The following SRP9 variants were observed in gnomAD, a reference collection of about 807,000 sequenced individuals.
SRP9 encodes signal recognition particle 9.
In SRP9, 2 loss-of-function variants were observed where a neutral mutation model predicts 11.7. The observed-to-expected ratio is 0.17, with a 90% confidence interval of 0.07 to 0.54. The LOEUF is 0.54. Ranked by LOEUF, SRP9 falls within the 20% of genes least tolerant of loss-of-function variation. SRP9 has a pLI of 0.94. For synonymous variants in SRP9, 27 were observed against 35.6 expected, an observed-to-expected ratio of 0.76 and a Z score of 0.86; for missense variants, 54 against 108.1, an observed-to-expected ratio of 0.50 and a Z score of 2.22.
In SRP9 at chr1:225,778,280, A is replaced by G. The variant is rs75348489; in HGVS notation, c.72+268A>G. 3.2e-3 allele frequency among the ~76,000 whole-genome samples: 489 copies of G among 152,124 alleles called. 2 individuals are homozygous for G. Among genetic ancestry groups the G allele is most frequent in the African/African-American group, 0.011 (471 of 41,512 alleles). On this transcript the variant is annotated intron_variant, in intron 1 of 2. Transcript: ENST00000304786. ...CCGCCCCAGTCCCTCAGCTTCCTTT[A>G]TGGCTTCGGTTGTTTTACGAGTCCC...
rs1021448798 is a variant in SRP9, at chr1:225,777,872, G to A, written c.-69G>A. 55 of 1,471,534 alleles carry A rather than the reference G, an allele frequency of 3.7e-5. No individual in the cohort carries two copies. Among genetic ancestry groups the A allele is most frequent in the East Asian group, 1.2e-4 (5 of 43,040 alleles). The allele number at this position is 1,471,534 out of a possible 1,614,324, so 91.2% of individuals were successfully genotyped here. On this transcript the variant is annotated 5_prime_UTR_variant, in exon 1 of 3. Transcript: ENST00000304786. The stretch of plus-strand genomic sequence containing the variant: ...GGACTCGCGTCGGTTGGCGACTCCC[G>A]GACGTAGGTAGTTTGTTGGGCCGGG...
At chr1:225,786,945 C>G in intron 2 of SRP9, 1 of 615,118 alleles carries the variant, frequency 1.6e-6, no homozygotes, top group Non-Finnish European at 2.6e-6. Context: ...TGGGCTCAAG[C>G]GGTCCTCTTG....
intron 2 of SRP9, chr1:225,788,953 TCTC>T (rs369458890): frequency 0.012 from 18,743 of 1,505,368 alleles, 161 homozygotes; most frequent in Non-Finnish European, 0.015. Flanking sequence ...CTTGAGTTCT[TCTC>T]ATCAGACCAT....
Position 225,789,536 on chromosome 1 carries a change from A to C in SRP9, c.*177A>C, listed in dbSNP as rs1665986155. On this transcript the variant is annotated 3_prime_UTR_variant, in exon 3 of 3. Transcript: ENST00000304786. Reference sequence around the variant, plus strand: ...GAGAGCTAGGGATGCAAATGTTTTCAGTTAGAAAGCCTTTATTTACTTTTG... The same window carrying C: ...GAGAGCTAGGGATGCAAATGTTTTCCGTTAGAAAGCCTTTATTTACTTTTG... 3.5e-6 allele frequency: 2 copies of C among 577,638 alleles called. No homozygotes were observed. Among genetic ancestry groups the C allele is most frequent in the Admixed American group, 3.9e-5 (1 of 25,824 alleles). The allele number at this position is 577,638 out of a possible 1,614,324, so 35.8% of individuals were successfully genotyped here. A position where few individuals can be genotyped will look rare whatever the true frequency, so the allele number is the denominator to read the frequency against.
chr1:225,783,234 A>G, intron 1 of SRP9, 66 bp from the exon 2 acceptor site: 2 of 1,306,194 alleles, frequency 1.5e-6, no homozygotes, highest in Non-Finnish European at 2.2e-6. Flanking sequence ...GCCTACCTGA[A>G]GACTAAATTA....
At chr1:225,788,122 G>A (rs1665952949) in intron 2 of SRP9, among the ~76,000 whole-genome samples, 1 of 152,120 alleles carries the variant, frequency 6.6e-6, no homozygotes, top group Non-Finnish European at 1.5e-5. Flanking sequence ...CCAACCATAA[G>A]CAGATCTTAA....
intron 2 of SRP9, among the ~76,000 whole-genome samples, chr1:225,786,609 C>T (rs756934585): frequency 1.5e-4 from 23 of 152,114 alleles, no homozygotes; most frequent in African/African-American, 3.4e-4. Context: ...AAGAGTGAAT[C>T]GAGATGTAGT....
intron 2 of SRP9, among the ~76,000 whole-genome samples, chr1:225,788,232 T>C (rs946368896): frequency 3.3e-5 from 5 of 151,974 alleles, no homozygotes; most frequent in African/African-American, 1.2e-4. Flanking sequence ...CCGTCTCTAC[T>C]AAAAATAGAA....
chr1:225,785,940 C>T (rs1665901493), intron 2 of SRP9, among the ~76,000 whole-genome samples: 1 of 152,238 alleles, frequency 6.6e-6, no homozygotes, highest in Non-Finnish European at 1.5e-5. Context: ...CCCACCTCGG[C>T]CTCCCAAAGT....
intron 2 of SRP9, chr1:225,787,134 A>G (rs1665933819): frequency 4.3e-6 from 1 of 232,258 alleles, no homozygotes; most frequent in Non-Finnish European, 8.7e-6. Flanking sequence ...GTGAACCACT[A>G]AGTACTTCTT....
rs1467641379 is a variant in SRP9, at chr1:225,778,029, G to A, written c.72+17G>A. On this transcript the variant is annotated intron_variant, in intron 1 of 2. Transcript: ENST00000304786. ...CCTATGAAGGTAAATCGCTGGCGGG[G>A]CCGCTGCTTTGGGCCCCAGCCCAGG... 6.2e-7 allele frequency: 1 copy of A among 1,614,038 alleles called. No homozygotes were observed. The highest frequency in any genetic ancestry group is 1.1e-5 in the South Asian group (1 of 91,082).
At chr1:225,786,250 C>T (rs1489852916) in intron 2 of SRP9, among the ~76,000 whole-genome samples, 2 of 152,180 alleles carry the variant, frequency 1.3e-5, no homozygotes, top group East Asian at 1.9e-4. Context: ...TCTTGCTTTT[C>T]ATTTTGGCTT....
intron 1 of SRP9, among the ~76,000 whole-genome samples, chr1:225,781,289 C>A (rs1665790441): frequency 6.6e-6 from 1 of 151,544 alleles, no homozygotes; most frequent in Non-Finnish European, 1.5e-5. Flanking sequence ...TGGTAAAGAA[C>A]CTTGATTTTT....
At chr1:225,778,265 C>T (rs1350230042) in intron 1 of SRP9, among the ~76,000 whole-genome samples, 19 of 152,260 alleles carry the variant, frequency 1.2e-4, no homozygotes. Context: ...CCGCCCCAGT[C>T]CCTCAGCTTC....
At chr1:225,787,449 AC>A (rs1665941224) in intron 2 of SRP9, among the ~76,000 whole-genome samples, 5 of 152,068 alleles carry the variant, frequency 3.3e-5, no homozygotes, top group African/African-American at 1.2e-4. Flanking sequence ...AATCGCTTGA[AC>A]CTGGGACTGG....
At chr1:225,784,302 A>G (rs1401489178) in intron 2 of SRP9, among the ~76,000 whole-genome samples, 1 of 114,538 alleles carries the variant, frequency 8.7e-6, no homozygotes, top group East Asian at 2.8e-4. Context: ...GCTGGAGTGC[A>G]GTGGTGTGAT....
intron 2 of SRP9, among the ~76,000 whole-genome samples, chr1:225,787,232 T>C (rs186942034): frequency 6.6e-6 from 1 of 152,246 alleles, no homozygotes; most frequent in Non-Finnish European, 1.5e-5. Context: ...CCCTATGTCC[T>C]GTCTTAAAAA....
At chr1:225,780,751 C>T (rs1665778412) in intron 1 of SRP9, among the ~76,000 whole-genome samples, 1 of 152,168 alleles carries the variant, frequency 6.6e-6, no homozygotes, top group Non-Finnish European at 1.5e-5. Context: ...AATTCTCTGT[C>T]TTCTCTCCGC....
intron 2 of SRP9, among the ~76,000 whole-genome samples, chr1:225,784,965 A>C (rs1445955254): frequency 2.6e-5 from 4 of 152,246 alleles, no homozygotes; most frequent in East Asian, 3.9e-4. Context: ...TTTTAGAGAC[A>C]GGATATCGCT....
Sources: allele counts gnomAD v4.1 joint callset (sites outside exome capture counted in the v4.1 genomes callset), GRCh38; gene constraint gnomAD v4.1.1; transcripts MANE v1.5; gene names NCBI Gene and HGNC (gene_info 2026-07-23, HGNC 2026-07-21).